FAM120B: variants seen among roughly 807,000 people sequenced by gnomAD.
The protein encoded by FAM120B is family with sequence similarity 120 member B.
FAM120B carries 83 observed loss-of-function variants against 96.3 expected under a neutral mutation model. That is an observed-to-expected ratio of 0.86 (90% CI 0.72 to 1.03). The LOEUF (loss-of-function observed/expected upper bound fraction) is 1.03, where lower values mean the gene tolerates loss of function less well. Ranked by LOEUF, FAM120B falls within the 50% of genes least tolerant of loss-of-function variation. FAM120B has a pLI of 0.00. For missense variants in FAM120B, 1,027 were observed against 1,121.2 expected, an observed-to-expected ratio of 0.92 and a Z score of 1.20; for synonymous variants, 407 against 402.7, an observed-to-expected ratio of 1.01 and a Z score of -0.13.
In FAM120B at chr6:170,370,145, T is replaced by C. The variant is rs1294417552; in HGVS notation, c.2283+11827T>C. The stretch of plus-strand genomic sequence containing the variant: ...GCAGAGGTGAGACGGAGACTCTCAG[T>C]TGCCCTTGAGCTTTCCTGGCCCTGC... On this transcript the variant is annotated intron_variant, in intron 6 of 10. Transcript: ENST00000476287. This position sits in a 1 kb window ranked among gnomAD's most constrained non-coding sequence, Gnocchi z 4.3. Among the ~76,000 whole-genome samples the C allele has an allele frequency of 6.6e-6, 1 of 152,220 alleles. No individual in the cohort carries two copies. Among genetic ancestry groups the C allele is most frequent in the African/African-American group, 2.4e-5 (1 of 41,454 alleles).
chr6:170,312,426 C>A (rs1363744395), intron 1 of FAM120B, among the ~76,000 whole-genome samples: 1 of 152,126 alleles, frequency 6.6e-6, no homozygotes, highest in African/African-American at 2.4e-5. Context: ...AATTGATAAA[C>A]ATGTTTGATG....
chr6:170,379,625 TA>T (rs1161124794), intron 6 of FAM120B, among the ~76,000 whole-genome samples: 1 of 152,202 alleles, frequency 6.6e-6, no homozygotes, highest in Non-Finnish European at 1.5e-5. Context: ...TCAACCTATA[TA>T]AAAAGGGGGT....
At chr6:170,393,747 T>G (rs1011213786) in intron 8 of FAM120B, among the ~76,000 whole-genome samples, 1 of 152,226 alleles carries the variant, frequency 6.6e-6, no homozygotes, top group Non-Finnish European at 1.5e-5. Flanking sequence ...GTTGCAGAAC[T>G]TAGACTGAAG....
At position 170,318,588 on chromosome 6, in the gene FAM120B, G is replaced by C; in HGVS notation, c.1198G>C (p.Glu400Gln). The change falls in exon 2 of 11, where the codon GAA (glutamate) becomes CAA (glutamine). Residue 400 changes from glutamate (E) to glutamine (Q), a missense_variant. By Grantham distance (29) the Glu-to-Gln change is conservative. This residue lies in a region of FAM120B where 880 missense variants were observed against 980.9 expected (regional missense o/e 0.90). Coordinates refer to ENST00000476287, the MANE Select transcript of FAM120B (RefSeq NM_032448.3). ...PTCTGPESRR[E>Q]VPMCSDPEPR... ...GTGTACAGGCCCTGAATCCAGGCGA[G>C]AAGTTCCCATGTGTTCAGACCCTGA... 1 of 1,573,730 alleles carries C rather than the reference G, an allele frequency of 6.4e-7. No individual in the cohort carries two copies. The highest frequency in any genetic ancestry group is 8.6e-7 in the Non-Finnish European group (1 of 1,157,138).
At chr6:170,296,623 G>C (rs1223013830) in intron 1 of FAM120B, among the ~76,000 whole-genome samples, 1 of 151,868 alleles carries the variant, frequency 6.6e-6, no homozygotes, top group Non-Finnish European at 1.5e-5. Context: ...TCGGAGCCCT[G>C]GGGGCCGGGG....
chr6:170,372,745 C>T (rs1789275180), intron 6 of FAM120B, among the ~76,000 whole-genome samples: 1 of 152,198 alleles, frequency 6.6e-6, no homozygotes, highest in African/African-American at 2.4e-5. Flanking sequence ...AGTAGCTGGA[C>T]ATGAGTAGAA....
chr6:170,324,828 A>T (rs1785494756), intron 3 of FAM120B, among the ~76,000 whole-genome samples: 2 of 152,320 alleles, frequency 1.3e-5, no homozygotes, highest in African/African-American at 4.8e-5. Flanking sequence ...TTTATATATG[A>T]TGATAATAAT....
chr6:170,295,572 G>A lies in FAM120B; in HGVS notation c.48+119G>A, dbSNP rs577559487. On this transcript the variant is annotated intron_variant, in intron 1 of 10. Coordinates refer to the FAM120B transcript ENST00000537664. This position sits in a 1 kb window ranked among gnomAD's most constrained non-coding sequence, Gnocchi z 7.8. ...TGCGCGAAGGTGGGCGACGGTGGGGGCACAAGAACAGCAGCCGGGGGCGAA... is the reference window on the plus strand; with the variant it reads ...TGCGCGAAGGTGGGCGACGGTGGGGACACAAGAACAGCAGCCGGGGGCGAA... 1.3e-3 allele frequency: 755 copies of A among 563,620 alleles called. 5 individuals are homozygous for A. Among genetic ancestry groups the A allele is most frequent in the African/African-American group, 0.013 (655 of 49,898 alleles). The allele number at this position is 563,620 out of a possible 1,614,324, so 34.9% of individuals were successfully genotyped here.
intron 1 of FAM120B, among the ~76,000 whole-genome samples, chr6:170,301,248 A>G (rs1358478916): frequency 6.6e-6 from 1 of 152,230 alleles, no homozygotes; most frequent in African/African-American, 2.4e-5. Flanking sequence ...GGAATCTGCC[A>G]AGGCTTGGCA....
chr6:170,359,077 A>T (rs1788158133), intron 6 of FAM120B, among the ~76,000 whole-genome samples: 1 of 152,100 alleles, frequency 6.6e-6, no homozygotes, highest in African/African-American at 2.4e-5. Context: ...GAAAAAACTA[A>T]GTTTCATTTA....
intron 5 of FAM120B, among the ~76,000 whole-genome samples, chr6:170,350,066 T>A (rs553423404): frequency 6.6e-6 from 1 of 152,254 alleles, no homozygotes; most frequent in East Asian, 1.9e-4. Context: ...TACACAGAGC[T>A]GTTTGGAGTC....
At chr6:170,320,008 A>C (rs1785183692) in intron 2 of FAM120B, among the ~76,000 whole-genome samples, 1 of 152,248 alleles carries the variant, frequency 6.6e-6, no homozygotes, top group Admixed American at 6.5e-5. Context: ...TAGGTGCATT[A>C]GGTAACTTTT....
At position 170,295,916 on chromosome 6, in the gene FAM120B, G is replaced by T. The variant is rs889908250; in HGVS notation, c.48+463G>T. 6.6e-6 allele frequency among the ~76,000 whole-genome samples: 1 copy of T among 152,030 alleles called. No homozygotes were observed. Among genetic ancestry groups the T allele is most frequent in the Non-Finnish European group, 1.5e-5 (1 of 67,984 alleles). ...GGCATGTGCTGATTTGCATGAGAAC[G>T]GGCGGGTCGCGTGGCTCAGCTGGCG... is the stretch of plus-strand genomic sequence containing the variant. On this transcript the variant is annotated intron_variant, in intron 1 of 10. Coordinates refer to the FAM120B transcript ENST00000537664. This position sits in a 1 kb window ranked among gnomAD's most constrained non-coding sequence, Gnocchi z 7.8.
At position 170,358,308 on chromosome 6, in the gene FAM120B, TA is replaced by T. The variant is rs1562563726; in HGVS notation, c.2276del (p.Asn759IlefsTer27). On this transcript the variant is annotated frameshift_variant, in exon 6 of 11. Transcript: ENST00000476287. LOFTEE classifies it high-confidence loss of function. Reference sequence around the variant, plus strand: ...CAAGGAAAATCCACCTCGCAGCTTGTAAATCTACAGGTACAGACGTGACCAG... The same window carrying T: ...CAAGGAAAATCCACCTCGCAGCTTGTAATCTACAGGTACAGACGTGACCAG... ...CLQGKSTSQL[V>X]NLQPDYINPR... 2.5e-6 allele frequency: 4 copies of T among 1,604,352 alleles called. No individual in the cohort carries two copies. Among genetic ancestry groups the T allele is most frequent in the Non-Finnish European group, 2.6e-6 (3 of 1,173,522 alleles).
At chr6:170,344,947 A>G (rs745655662) in intron 4 of FAM120B, among the ~76,000 whole-genome samples, 20 of 151,960 alleles carry the variant, frequency 1.3e-4, no homozygotes, top group Non-Finnish European at 2.6e-4. Flanking sequence ...CTTCCTCACA[A>G]TGTCTCTGCC....
intron 8 of FAM120B, 189 bp downstream of exon 8, chr6:170,391,310 A>G: frequency 1.9e-6 from 1 of 530,252 alleles, no homozygotes; most frequent in Non-Finnish European, 3.4e-6. Context: ...CGAGGCAGGC[A>G]GATCACTTGA....
At chr6:170,388,078 C>T (rs1382244890) in intron 6 of FAM120B, among the ~76,000 whole-genome samples, 2 of 152,196 alleles carry the variant, frequency 1.3e-5, no homozygotes, top group Non-Finnish European at 2.9e-5. Context: ...TGTAGAGGCA[C>T]CCTCATTTCT....
intron 6 of FAM120B, among the ~76,000 whole-genome samples, chr6:170,365,321 G>A (rs901306227): frequency 1.3e-5 from 2 of 152,194 alleles, no homozygotes; most frequent in Non-Finnish European, 2.9e-5. Context: ...TTCTCAAGAC[G>A]GTGGCAGAAA....
intron 9 of FAM120B, among the ~76,000 whole-genome samples, chr6:170,398,066 G>GATGGGAGT (rs1263376065): frequency 6.6e-6 from 1 of 152,356 alleles, no homozygotes; most frequent in Admixed American, 6.5e-5. Flanking sequence ...CAGATGGGAG[G>GATGGGAGT]ATGGGAAAGA....
Sources: gnomAD v4.1 joint callset for allele counts (sites outside exome capture counted in the v4.1 genomes callset) on GRCh38, gnomAD v4.1.1 for gene constraint, gnomAD v4.1.1 regional missense constraint, Gnocchi (gnomAD v3.1) non-coding constraint, MANE v1.5 for transcripts, NCBI Gene and HGNC (gene_info 2026-07-23, HGNC 2026-07-21) for gene names.